SLC22A23: variants seen among roughly 807,000 people sequenced by gnomAD.
The protein encoded by SLC22A23 is solute carrier family 22 member 23, also known as ion transporter protein.
In SLC22A23, 26 loss-of-function variants were observed where a neutral mutation model predicts 61.0. The observed-to-expected ratio is 0.43, with a 90% CI of 0.31 to 0.59. SLC22A23 has a LOEUF of 0.59. SLC22A23 is among the 20% of genes least tolerant of loss of function. The pLI is 0.11. For missense variants in SLC22A23, 796 were observed against 934.7 expected, an observed-to-expected ratio of 0.85 and a Z score of 1.94; for synonymous variants, 430 against 413.9, an observed-to-expected ratio of 1.04 and a Z score of -0.47.
chr6:3,320,862 G>A (rs755498850), intron 4 of SLC22A23, among the ~76,000 whole-genome samples: 1 of 152,132 alleles, frequency 6.6e-6, no homozygotes, highest in Non-Finnish European at 1.5e-5. Context: ...ATATTCATGA[G>A]TACTTATAGA....
intron 1 of SLC22A23, among the ~76,000 whole-genome samples, chr6:3,433,857 G>A (rs1022873890): frequency 1.3e-5 from 2 of 152,182 alleles, no homozygotes; most frequent in African/African-American, 4.8e-5. Flanking sequence ...AGATATTAAC[G>A]CAGCGGTTGC....
chr6:3,311,025 C>T (rs1047486370), intron 4 of SLC22A23, among the ~76,000 whole-genome samples: 1 of 152,258 alleles, frequency 6.6e-6, no homozygotes, highest in Non-Finnish European at 1.5e-5. Flanking sequence ...CCACGTGACG[C>T]CATTCACGGG....
intron 3 of SLC22A23, among the ~76,000 whole-genome samples, chr6:3,368,417 G>C (rs1158951312): frequency 6.6e-6 from 1 of 152,224 alleles, no homozygotes; most frequent in African/African-American, 2.4e-5. Flanking sequence ...GCATGTGTGT[G>C]TAAGAGATAT....
chr6:3,444,437 T>C (rs1234273008), intron 1 of SLC22A23, among the ~76,000 whole-genome samples: 1 of 152,246 alleles, frequency 6.6e-6, no homozygotes, highest in Non-Finnish European at 1.5e-5. Flanking sequence ...TCTGCTGCTA[T>C]GAGCTCAAAG....
rs1298605750 is a variant in SLC22A23, at chr6:3,324,171, T to C, written c.914-169A>G. ...GGTGTGCCAGTGTTTTACGGGCGCG[T>C]TGAGGCTCCAACTGGGAAGGGAAGT... On this transcript the variant is annotated intron_variant, in intron 3 of 9. Coordinates refer to ENST00000406686, the MANE Select transcript of SLC22A23 (RefSeq NM_015482.2). This position sits in a 1 kb window ranked among gnomAD's most constrained non-coding sequence, Gnocchi z 4.3. 1.1e-5 allele frequency: 8 copies of C among 744,040 alleles called. No homozygotes were observed. Among genetic ancestry groups the C allele is most frequent in the East Asian group, 2.7e-5 (1 of 36,758 alleles). 46.1% of individuals were successfully genotyped at this position (744,040 alleles called of 1,614,324 possible). A position where few individuals can be genotyped will look rare whatever the true frequency, so the allele number is the denominator to read the frequency against.
chr6:3,366,717 A>C (rs1390875193), intron 3 of SLC22A23, among the ~76,000 whole-genome samples: 3 of 152,198 alleles, frequency 2.0e-5, no homozygotes, highest in Non-Finnish European at 4.4e-5. Context: ...TCAGTCCAAA[A>C]TATCAGCCTC....
At chr6:3,363,215 A>C (rs898558097) in intron 3 of SLC22A23, among the ~76,000 whole-genome samples, 1 of 152,254 alleles carries the variant, frequency 6.6e-6, no homozygotes, top group Non-Finnish European at 1.5e-5. Context: ...CCCCTCTACC[A>C]AAGTCAGTTT....
intron 3 of SLC22A23, among the ~76,000 whole-genome samples, chr6:3,349,697 A>G (rs1764649636): frequency 1.3e-5 from 2 of 152,236 alleles, no homozygotes; most frequent in African/African-American, 2.4e-5. Flanking sequence ...AGTGCTTTAA[A>G]TATCACTGAA....
In SLC22A23 at chr6:3,297,002, G is replaced by A. The variant is rs1761163742; in HGVS notation, c.1210+1089C>T. ...CCTGCACCTGTGCCCCTGGAGCAAAGCTTCCGCAGCCACTCTGACTGTAGT... is the reference window on the plus strand; with the variant it reads ...CCTGCACCTGTGCCCCTGGAGCAAAACTTCCGCAGCCACTCTGACTGTAGT... On this transcript the variant is annotated intron_variant, in intron 5 of 9. Transcript: ENST00000406686. The surrounding 1 kb of genome is among the most constrained non-coding windows in gnomAD (Gnocchi z 4.3). Among the ~76,000 whole-genome samples the A allele has an allele frequency of 6.6e-6, 1 of 152,208 alleles. No individual in the cohort carries two copies. Among genetic ancestry groups the A allele is most frequent in the Non-Finnish European group, 1.5e-5 (1 of 68,042 alleles).
intron 1 of SLC22A23, chr6:3,439,284 A>G: frequency 2.2e-6 from 1 of 446,998 alleles, no homozygotes; most frequent in Non-Finnish European, 4.5e-6. Context: ...GTTCTCTGGG[A>G]GCAAAATCAT....
At chr6:3,426,904 T>C (rs1486749793) in intron 1 of SLC22A23, among the ~76,000 whole-genome samples, 1 of 152,226 alleles carries the variant, frequency 6.6e-6, no homozygotes, top group Non-Finnish European at 1.5e-5. Flanking sequence ...TTTTACCCAT[T>C]TGGACTTTGT....
At position 3,401,431 on chromosome 6, in the gene SLC22A23, A is replaced by T. The variant is rs376484584; in HGVS notation, c.913+8757T>A. Among the ~76,000 whole-genome samples the T allele has an allele frequency of 6.3e-3, 913 of 144,708 alleles. 12 individuals are homozygous for T. Among genetic ancestry groups the T allele is most frequent in the African/African-American group, 0.025 (872 of 34,472 alleles). 94.9% of individuals were successfully genotyped at this position (144,708 alleles called of 152,430 possible). Reference sequence around the variant, plus strand: ...GTATATTTTGCCACAGTAAAAAAAAAATATAACTTTCTTTCTAAAATACTT... The same window carrying T: ...GTATATTTTGCCACAGTAAAAAAAATATATAACTTTCTTTCTAAAATACTT... On this transcript the variant is annotated intron_variant, in intron 3 of 9. Transcript: ENST00000406686.
At chr6:3,369,224 G>C (rs1329035303) in intron 3 of SLC22A23, among the ~76,000 whole-genome samples, 1 of 152,014 alleles carries the variant, frequency 6.6e-6, no homozygotes, top group Non-Finnish European at 1.5e-5. Flanking sequence ...TGCTCGCCCA[G>C]TTAAATCTAA....
intron 3 of SLC22A23, among the ~76,000 whole-genome samples, chr6:3,385,267 C>A (rs1311092599): frequency 6.6e-6 from 1 of 152,122 alleles, no homozygotes; most frequent in Non-Finnish European, 1.5e-5. Flanking sequence ...AATCCCAGCA[C>A]TTTGAGAGGC....
intron 9 of SLC22A23, among the ~76,000 whole-genome samples, chr6:3,280,895 G>A (rs1161208938): frequency 6.6e-6 from 1 of 152,150 alleles, no homozygotes; most frequent in Non-Finnish European, 1.5e-5. Flanking sequence ...CAGCATTAGA[G>A]CGGAAGACAG....
chr6:3,370,527 C>T (rs1192752252), intron 3 of SLC22A23, among the ~76,000 whole-genome samples: 2 of 152,282 alleles, frequency 1.3e-5, no homozygotes, highest in Non-Finnish European at 2.9e-5. Context: ...GAGGCGGTGG[C>T]CAGGTGGCCT....
At chr6:3,291,089 ACT>A (rs1433661984) in intron 5 of SLC22A23, 1 of 152,030 alleles carries the variant, frequency 6.6e-6, no homozygotes, top group Non-Finnish European at 1.5e-5. Context: ...TTCCAATGTC[ACT>A]CTTTTAGTTT....
chr6:3,435,663 G>C (rs567123585), intron 1 of SLC22A23, among the ~76,000 whole-genome samples: 65 of 152,308 alleles, frequency 4.3e-4, no homozygotes, highest in Non-Finnish European at 7.5e-4. Flanking sequence ...AGATGCGACT[G>C]CCTCCCTTCT....
chr6:3,390,344 CAG>C lies in SLC22A23; in HGVS notation c.913+19842_913+19843del, dbSNP rs1487862983. On this transcript the variant is annotated intron_variant, in intron 3 of 9. Coordinates refer to ENST00000406686, the MANE Select transcript of SLC22A23 (RefSeq NM_015482.2). The surrounding 1 kb of genome is among the most constrained non-coding windows in gnomAD (Gnocchi z 4.0). ...TAAAAGATGCCCCTCTGTCAGAATG[CAG>C]AGAGATCTAAGTAGATCCTGCATCC... 6.6e-6 allele frequency among the ~76,000 whole-genome samples: 1 copy of C among 152,206 alleles called. No homozygotes were observed. The highest frequency in any genetic ancestry group is 1.5e-5 in the Non-Finnish European group (1 of 68,030).
Sources: allele counts gnomAD v4.1 joint callset (sites outside exome capture counted in the v4.1 genomes callset), GRCh38; gene constraint gnomAD v4.1.1; non-coding constraint Gnocchi (gnomAD v3.1); transcripts MANE v1.5; gene names NCBI Gene and HGNC (gene_info 2026-07-23, HGNC 2026-07-21).